Variants in CMIP observed in about 807,000 individuals in gnomAD.
CMIP encodes C-Maf-inducing protein.
In CMIP, 13 loss-of-function variants were observed where a neutral mutation model predicts 97.3. That is an observed-to-expected ratio of 0.13 (90% CI 0.09 to 0.21). The LOEUF (loss-of-function observed/expected upper bound fraction) is 0.21. Ranked by LOEUF, CMIP falls within the 10% of genes least tolerant of loss-of-function variation. The pLI is 1.00. For missense variants in CMIP, 847 were observed against 1,024.9 expected, an observed-to-expected ratio of 0.83 and a Z score of 2.37; for synonymous variants, 538 against 436.3, an observed-to-expected ratio of 1.23 and a Z score of -2.91.
intron 6 of CMIP, among the ~76,000 whole-genome samples, chr16:81,663,490 G>A (rs1003733233): frequency 2.0e-5 from 3 of 152,156 alleles, no homozygotes; most frequent in Non-Finnish European, 4.4e-5. Flanking sequence ...AGGGAGGGAC[G>A]AATTGGCTGA....
chr16:81,635,298 C>T (rs1363931380), intron 3 of CMIP, among the ~76,000 whole-genome samples: 1 of 151,118 alleles, frequency 6.6e-6, no homozygotes, highest in East Asian at 2.0e-4. Context: ...GTTCAGAAGG[C>T]CAAGCTGGTG....
At chr16:81,668,622 G>A (rs1359869554) in intron 7 of CMIP, among the ~76,000 whole-genome samples, 1 of 152,114 alleles carries the variant, frequency 6.6e-6, no homozygotes, top group Non-Finnish European at 1.5e-5. Context: ...AGTTCCGGGG[G>A]CCTGGTGCAG....
chr16:81,467,018 C>T (rs1230738322), intron 1 of CMIP, among the ~76,000 whole-genome samples: 1 of 152,164 alleles, frequency 6.6e-6, no homozygotes, highest in East Asian at 1.9e-4. Context: ...TAAACAGAAA[C>T]CCCCAAACTG....
intron 1 of CMIP, among the ~76,000 whole-genome samples, chr16:81,514,036 AAAAAC>A (rs1159632694): frequency 1.6e-5 from 2 of 126,426 alleles, no homozygotes; most frequent in Non-Finnish European, 3.2e-5. Context: ...GAAAAACAAC[AAAAAC>A]AAAACAAAAC....
intron 13 of CMIP, 105 bp from the exon 14 acceptor site, chr16:81,696,455 C>T: frequency 8.8e-7 from 1 of 1,132,480 alleles, no homozygotes; most frequent in Non-Finnish European, 1.3e-6. Flanking sequence ...GGTTTCTTGA[C>T]TGCAGGACTT....
intron 1 of CMIP, among the ~76,000 whole-genome samples, chr16:81,508,407 A>G (rs1331594084): frequency 6.6e-6 from 1 of 152,218 alleles, no homozygotes; most frequent in Non-Finnish European, 1.5e-5. Context: ...ATATTTTCTC[A>G]CTAAACAATA....
At chr16:81,612,520 A>G (rs1020979036) in intron 2 of CMIP, among the ~76,000 whole-genome samples, 5 of 152,218 alleles carry the variant, frequency 3.3e-5, no homozygotes, top group African/African-American at 1.2e-4. Context: ...TCTAGCTTCC[A>G]GTAAGAAAGG....
intron 1 of CMIP, among the ~76,000 whole-genome samples, chr16:81,599,250 A>T (rs1190281661): frequency 6.6e-6 from 1 of 152,036 alleles, no homozygotes; most frequent in African/African-American, 2.4e-5. Context: ...GAGAGGTCAT[A>T]TTACCTGAGG....
At chr16:81,613,477 C>T (rs1295032381) in intron 2 of CMIP, among the ~76,000 whole-genome samples, 1 of 151,988 alleles carries the variant, frequency 6.6e-6, no homozygotes, top group Non-Finnish European at 1.5e-5. Flanking sequence ...TTACCACATT[C>T]TAGCTGTGGA....
chr16:81,645,887 T>C (rs1379351089), intron 3 of CMIP: 1 of 488,866 alleles, frequency 2.0e-6, no homozygotes, highest in East Asian at 3.5e-5. Flanking sequence ...TAGTTATTCT[T>C]ATCCTGATTT....
chr16:81,685,430 C>A (rs539443351), intron 10 of CMIP, among the ~76,000 whole-genome samples: 2 of 152,290 alleles, frequency 1.3e-5, no homozygotes, highest in East Asian at 3.9e-4. Flanking sequence ...GCTCATAGTC[C>A]CCCGTGGGGA....
At position 81,693,148 on chromosome 16, in the gene CMIP, T is replaced by A; in HGVS notation, c.1455-10T>A. On this transcript the variant is annotated splice_polypyrimidine_tract_variant and intron_variant, in intron 11 of 20. Transcript: ENST00000537098. Reference sequence around the variant, plus strand: ...GTTAACCGCCGTGTTTTCCCCTGTTTTTGTTGCAGAGCTCTCGCACATGAG... The same window carrying A: ...GTTAACCGCCGTGTTTTCCCCTGTTATTGTTGCAGAGCTCTCGCACATGAG... 1 of 1,612,494 alleles carries A rather than the reference T, an allele frequency of 6.2e-7. No homozygotes were observed. Among genetic ancestry groups the A allele is most frequent in the Non-Finnish European group, 8.5e-7 (1 of 1,178,650 alleles).
intron 1 of CMIP, among the ~76,000 whole-genome samples, chr16:81,505,123 G>A (rs1009999931): frequency 1.3e-5 from 2 of 152,210 alleles, no homozygotes; most frequent in Non-Finnish European, 2.9e-5. Context: ...TGACCCAGCC[G>A]ATGGAGGGCC....
chr16:81,675,060 A>G (rs1472411018), intron 9 of CMIP, among the ~76,000 whole-genome samples: 1 of 152,150 alleles, frequency 6.6e-6, no homozygotes, highest in East Asian at 1.9e-4. Context: ...TTTTGGAAGG[A>G]GCGTTGGGGA....
chr16:81,700,735 C>T (rs1454802710), intron 15 of CMIP, among the ~76,000 whole-genome samples: 9 of 152,276 alleles, frequency 5.9e-5, no homozygotes, highest in Non-Finnish European at 1.0e-4. Flanking sequence ...GCTGTGGGGA[C>T]ATCCCGGGCG....
chr16:81,496,702 C>A (rs958721634), intron 1 of CMIP, among the ~76,000 whole-genome samples: 2 of 152,250 alleles, frequency 1.3e-5, no homozygotes, highest in Admixed American at 6.5e-5. Context: ...TAAAGGCACA[C>A]CATCCCAGTA....
chr16:81,611,016 C>G (rs975628772), intron 2 of CMIP, among the ~76,000 whole-genome samples: 1 of 152,244 alleles, frequency 6.6e-6, no homozygotes, highest in Non-Finnish European at 1.5e-5. Context: ...CCTTAGTGCT[C>G]CTAGTCAGCA....
At chr16:81,657,679 G>A (rs2092499752) in intron 4 of CMIP, 96 bp from the exon 5 acceptor site, 1 of 1,014,958 alleles carries the variant, frequency 9.9e-7, no homozygotes, top group Non-Finnish European at 1.5e-6. Flanking sequence ...TGACGCTGAA[G>A]ATGTTTCAAA....
intron 1 of CMIP, among the ~76,000 whole-genome samples, chr16:81,528,677 A>T (rs1383575749): frequency 6.6e-6 from 1 of 152,186 alleles, no homozygotes; most frequent in African/African-American, 2.4e-5. Flanking sequence ...CTGACTTAGC[A>T]CAAATGATGC....
Sources: gnomAD v4.1 joint callset for allele counts (sites outside exome capture counted in the v4.1 genomes callset) on GRCh38, gnomAD v4.1.1 for gene constraint, MANE v1.5 for transcripts, NCBI Gene and HGNC (gene_info 2026-07-23, HGNC 2026-07-21) for gene names.